AKAP12: variants seen among roughly 807,000 people sequenced by gnomAD.
The protein encoded by AKAP12 is A-kinase anchoring protein 12, also known as A-kinase anchor protein 12.
A neutral mutation model predicts 79.9 loss-of-function variants in AKAP12; 32 were observed. The ratio of observed to expected loss-of-function variants is 0.40; its 90% CI spans 0.30 to 0.54. AKAP12 has a LOEUF of 0.54. Ranked by LOEUF, AKAP12 falls within the 20% of genes least tolerant of loss-of-function variation. The probability of loss-of-function intolerance (pLI) is 0.48; values close to 1 mark genes in which losing one functional copy is unlikely to be tolerated. For missense variants in AKAP12, 2,074 were observed against 2,177.0 expected (o/e 0.95, Z 0.94); for synonymous variants, 808 against 857.0 (o/e 0.94, Z 1.00).
intron 2 of AKAP12, among the ~76,000 whole-genome samples, chr6:151,299,529 C>G (rs1776809175): frequency 6.6e-6 from 1 of 152,152 alleles, no homozygotes; most frequent in African/African-American, 2.4e-5. Flanking sequence ...CTCCTTTTCT[C>G]TCTCCCTTTT....
At chr6:151,301,598 G>A (rs780139902) in intron 2 of AKAP12, among the ~76,000 whole-genome samples, 2 of 152,164 alleles carry the variant, frequency 1.3e-5, no homozygotes, top group African/African-American at 2.4e-5. Flanking sequence ...TTAACAACAC[G>A]TGGGATTTGC....
At position 151,307,473 on chromosome 6, in the gene AKAP12, G is replaced by C. The variant is rs192725128; in HGVS notation, c.319+1570G>C. Among the ~76,000 whole-genome samples the C allele has an allele frequency of 2.0e-5, 3 of 152,332 alleles. No individual in the cohort carries two copies. In the East Asian group the frequency reaches 5.8e-4, roughly 29 times the overall value. On this transcript the variant is annotated intron_variant, in intron 3 of 4. Transcript: ENST00000402676. Reference sequence around the variant, plus strand: ...CTGAAAGCAGAGTGGAGTTTAGAAAGTATTTAGTGGACAACGTGTGATCAC... The same window carrying C: ...CTGAAAGCAGAGTGGAGTTTAGAAACTATTTAGTGGACAACGTGTGATCAC...
At chr6:151,318,756 C>G (rs1235369892) in intron 3 of AKAP12, among the ~76,000 whole-genome samples, 2 of 151,964 alleles carry the variant, frequency 1.3e-5, no homozygotes. Flanking sequence ...GGCAACACAG[C>G]AAGACCCCGT....
At chr6:151,332,031 C>CTAT (rs1777685813) in intron 3 of AKAP12, among the ~76,000 whole-genome samples, 2 of 72,794 alleles carry the variant, frequency 2.7e-5, no homozygotes, top group South Asian at 1.6e-3. Flanking sequence ...AGTTCTGGGT[C>CTAT]TGTTTTTTTT....
chr6:151,240,370 C>G lies in AKAP12; in HGVS notation c.-179-14C>G. ...TAAGAGGTGGCCTTTTTTTTTTTTT[C>G]CTTTTCTTTTAAGGAGTTTGCCGCG... On this transcript the variant is annotated splice_polypyrimidine_tract_variant and intron_variant, in intron 1 of 4. Transcript: ENST00000402676. 42 of 415,242 alleles carry G rather than the reference C, an allele frequency of 1.0e-4. No individual in the cohort carries two copies. Among genetic ancestry groups the G allele is most frequent in the Middle Eastern group, 7.1e-4 (1 of 1,418 alleles). 25.7% of individuals were successfully genotyped at this position (415,242 alleles called of 1,614,324 possible).
intron 3 of AKAP12, among the ~76,000 whole-genome samples, chr6:151,326,364 AT>A (rs1450781905): frequency 1.3e-5 from 2 of 152,196 alleles, no homozygotes; most frequent in African/African-American, 2.4e-5. Flanking sequence ...GGAACTTTGA[AT>A]AAAGGTACAC....
intron 2 of AKAP12, among the ~76,000 whole-genome samples, chr6:151,255,364 A>G (rs539465275): frequency 1.5e-3 from 234 of 152,100 alleles, no homozygotes; most frequent in African/African-American, 5.4e-3. Flanking sequence ...AGGCTTCTCC[A>G]TGTTGAGGGT....
chr6:151,304,307 T>G (rs1776926487), intron 2 of AKAP12, among the ~76,000 whole-genome samples: 1 of 151,444 alleles, frequency 6.6e-6, no homozygotes, highest in African/African-American at 2.4e-5. Flanking sequence ...CTGGCCAACA[T>G]GGCAAACCAC....
chr6:151,252,202 T>TC (rs200496650), intron 2 of AKAP12, among the ~76,000 whole-genome samples: 41 of 150,448 alleles, frequency 2.7e-4, no homozygotes, highest in South Asian at 1.5e-3. Flanking sequence ...TTTCTTTCTT[T>TC]TTTTTTTTTT....
At chr6:151,343,397 CTT>C (rs1298084372) in intron 3 of AKAP12, among the ~76,000 whole-genome samples, 3 of 152,260 alleles carry the variant, frequency 2.0e-5, no homozygotes, top group South Asian at 2.1e-4. Context: ...TGGAATTTTT[CTT>C]TTTTCTCTAG....
intron 3 of AKAP12, among the ~76,000 whole-genome samples, chr6:151,345,722 G>C (rs1292551385): frequency 6.6e-6 from 1 of 151,350 alleles, no homozygotes; most frequent in Non-Finnish European, 1.5e-5. Flanking sequence ...GCTTGAACCC[G>C]GGAGGTGGAG....
At chr6:151,297,404 C>G (rs1776758810) in intron 2 of AKAP12, among the ~76,000 whole-genome samples, 1 of 151,774 alleles carries the variant, frequency 6.6e-6, no homozygotes, top group African/African-American at 2.4e-5. Flanking sequence ...ATGAAACCGT[C>G]TCTACTAAAA....
chr6:151,279,924 A>G (rs1198122921), intron 2 of AKAP12, among the ~76,000 whole-genome samples: 1 of 152,190 alleles, frequency 6.6e-6, no homozygotes, highest in Non-Finnish European at 1.5e-5. Context: ...TAAGCATAAA[A>G]GTGGTATATT....
intron 3 of AKAP12, among the ~76,000 whole-genome samples, chr6:151,337,524 A>AAAAAAAAGAAAG (rs535027217): frequency 1.3e-4 from 17 of 129,786 alleles, no homozygotes; most frequent in African/African-American, 4.5e-4. Context: ...AAAAAAAAAA[A>AAAAAAAAGAAAG]AAAGAAAGAA....
chr6:151,262,666 A>G, intron 2 of AKAP12, among the ~76,000 whole-genome samples: 1 of 152,296 alleles, frequency 6.6e-6, no homozygotes, highest in African/African-American at 2.4e-5. Flanking sequence ...TTAGCAAGTG[A>G]ATATCTGGCA....
chr6:151,241,240 C>G (rs1401006506), intron 2 of AKAP12, among the ~76,000 whole-genome samples: 1 of 152,226 alleles, frequency 6.6e-6, no homozygotes, highest in Non-Finnish European at 1.5e-5. Flanking sequence ...CTGGAGCGAG[C>G]GGGTTTGGTA....
At chr6:151,302,771 G>T (rs1164379821) in intron 2 of AKAP12, among the ~76,000 whole-genome samples, 1 of 152,154 alleles carries the variant, frequency 6.6e-6, no homozygotes, top group East Asian at 1.9e-4. Flanking sequence ...ACAGTTTCTA[G>T]GTTTAAGATT....
chr6:151,340,366 T>C (rs1777916939), intron 3 of AKAP12, among the ~76,000 whole-genome samples: 1 of 151,778 alleles, frequency 6.6e-6, no homozygotes, highest in Non-Finnish European at 1.5e-5. Context: ...GCTGTAAACA[T>C]CTGTGTGCAG....
At chr6:151,345,932 T>TGAGAGA (rs56202215) in intron 3 of AKAP12, among the ~76,000 whole-genome samples, 15 of 101,374 alleles carry the variant, frequency 1.5e-4, no homozygotes, top group African/African-American at 4.8e-4. Flanking sequence ...TGTGTGTGTG[T>TGAGAGA]GAGAGAGAGA....
Sources: allele counts gnomAD v4.1 joint callset (sites outside exome capture counted in the v4.1 genomes callset), GRCh38; gene constraint gnomAD v4.1.1; transcripts MANE v1.5; gene names NCBI Gene and HGNC (gene_info 2026-07-23, HGNC 2026-07-21).